Variants in MAP3K2 observed in about 807,000 individuals in gnomAD.
The protein encoded by MAP3K2 is MAP/ERK kinase kinase 2.
In MAP3K2, 24 loss-of-function variants were observed where a neutral mutation model predicts 80.3. That is an observed-to-expected ratio of 0.30 (90% confidence interval 0.22 to 0.42). The LOEUF is 0.42. MAP3K2 is among the 10% of genes least tolerant of loss of function. The probability of loss-of-function intolerance (pLI) is 1.00; values close to 1 mark genes in which losing one functional copy is unlikely to be tolerated. For synonymous variants in MAP3K2, 244 were observed against 253.7 expected (o/e 0.96, Z 0.36); for missense variants, 608 against 750.1 (o/e 0.81, Z 2.21).
chr2:127,327,844 T>C (rs1344397401), intron 7 of MAP3K2, among the ~76,000 whole-genome samples: 1 of 152,248 alleles, frequency 6.6e-6, no homozygotes, highest in Non-Finnish European at 1.5e-5. Context: ...ATTTCCAATT[T>C]CTTCTTATGC....
At chr2:127,357,384 G>A (rs1686814764) in intron 1 of MAP3K2, among the ~76,000 whole-genome samples, 1 of 152,176 alleles carries the variant, frequency 6.6e-6, no homozygotes, top group Non-Finnish European at 1.5e-5. Flanking sequence ...AACTACTAAG[G>A]AAGGTGAAGC....
In MAP3K2 at chr2:127,387,926, C is replaced by T. The variant is rs1485910823; in HGVS notation, c.-540G>A. On this transcript the variant is annotated 5_prime_UTR_variant, in exon 1 of 17. Transcript: ENST00000682094. ...GCGGCCGCGGCACCCTCGTCAGGCG[C>T]CGCCGCTGAGGGCAGGCAGCCCGGC... 1 of 984,706 alleles carries T rather than the reference C, an allele frequency of 1.0e-6. No homozygotes were observed. The highest frequency in any genetic ancestry group is 1.7e-5 in the African/African-American group (1 of 57,162). The allele number at this position is 984,706 out of a possible 1,614,324, so 61.0% of individuals were successfully genotyped here.
intron 5 of MAP3K2, among the ~76,000 whole-genome samples, chr2:127,335,173 C>T (rs1361077238): frequency 1.3e-5 from 2 of 152,162 alleles, no homozygotes; most frequent in African/African-American, 4.8e-5. Flanking sequence ...TGAGGTGCTG[C>T]AACTTATAAC....
intron 1 of MAP3K2, among the ~76,000 whole-genome samples, chr2:127,376,341 A>T (rs1042090375): frequency 6.6e-6 from 1 of 152,122 alleles, no homozygotes; most frequent in African/African-American, 2.4e-5. Flanking sequence ...GAGCGCAACC[A>T]TGTGAACTGC....
chr2:127,314,958 G>GA, intron 14 of MAP3K2, 75 bp from the exon 15 acceptor site: 1 of 1,050,918 alleles, frequency 9.5e-7, no homozygotes, highest in Non-Finnish European at 1.4e-6. Flanking sequence ...ATCTTTATCA[G>GA]TAAAGAGGGC....
intron 1 of MAP3K2, among the ~76,000 whole-genome samples, chr2:127,379,118 G>A (rs943435783): frequency 1.3e-4 from 19 of 151,268 alleles, no homozygotes; most frequent in African/African-American, 4.6e-4. Flanking sequence ...CATGGTGCCT[G>A]GCCTCTATGT....
At chr2:127,337,893 C>T in intron 3 of MAP3K2, 115 bp from the exon 4 acceptor site, 1 of 587,410 alleles carries the variant, frequency 1.7e-6, no homozygotes. Context: ...TTAAAATAGA[C>T]CAGACGAGGA....
At chr2:127,346,327 A>C (rs576323191) in intron 1 of MAP3K2, among the ~76,000 whole-genome samples, 3 of 151,506 alleles carry the variant, frequency 2.0e-5, no homozygotes, top group Admixed American at 2.0e-4. Flanking sequence ...AAAAAGACTA[A>C]ATTAGAAATG....
At chr2:127,372,415 G>A (rs1053496059) in intron 1 of MAP3K2, among the ~76,000 whole-genome samples, 2 of 152,124 alleles carry the variant, frequency 1.3e-5, no homozygotes, top group African/African-American at 4.8e-5. Context: ...TTGGAAATAA[G>A]AATTTTACTG....
Position 127,302,358 on chromosome 2 carries a change from TG to T in MAP3K2, c.*5220del, listed in dbSNP as rs1558969969. 1 of 152,072 alleles carries T rather than the reference TG, an allele frequency of 6.6e-6. No individual in the cohort carries two copies. The highest frequency in any genetic ancestry group is 6.6e-5 in the Admixed American group (1 of 15,242). The allele number at this position is 152,072 out of a possible 1,614,324, so 9.4% of individuals were successfully genotyped here. On this transcript the variant is annotated 3_prime_UTR_variant, in exon 17 of 17. Transcript: ENST00000682094. ...TCATCAGTAGGTCATACATTTGAGT[TG>T]TTCTTCCAAAACCAGAAACTGACCT...
chr2:127,381,280 C>A (rs534584925), intron 1 of MAP3K2, among the ~76,000 whole-genome samples: 2 of 152,262 alleles, frequency 1.3e-5, no homozygotes, highest in Admixed American at 1.3e-4. Context: ...TTTAGTAGAT[C>A]CACCCTTCCT....
intron 13 of MAP3K2, 83 bp downstream of exon 13, chr2:127,318,086 A>T: frequency 5.0e-6 from 5 of 998,800 alleles, no homozygotes; most frequent in Non-Finnish European, 6.9e-6. Context: ...TCTTATTTAG[A>T]ATGGAAGGGG....
chr2:127,340,287 T>C (rs1686451346), intron 2 of MAP3K2, among the ~76,000 whole-genome samples: 3 of 152,106 alleles, frequency 2.0e-5, no homozygotes, highest in African/African-American at 7.2e-5. Flanking sequence ...TACAATATAA[T>C]CACAATAGAT....
At chr2:127,376,216 G>C (rs1687148662) in intron 1 of MAP3K2, among the ~76,000 whole-genome samples, 1 of 148,522 alleles carries the variant, frequency 6.7e-6, no homozygotes, top group African/African-American at 2.5e-5. Flanking sequence ...GACAGTTTAG[G>C]TTGATAAAAA....
chr2:127,331,987 G>A (rs1686265951), intron 5 of MAP3K2, among the ~76,000 whole-genome samples: 1 of 152,204 alleles, frequency 6.6e-6, no homozygotes, highest in African/African-American at 2.4e-5. Flanking sequence ...CAATCTGCTT[G>A]CATTTACTTA....
At chr2:127,350,707 CA>C (rs771862317) in intron 1 of MAP3K2, among the ~76,000 whole-genome samples, 6 of 151,666 alleles carry the variant, frequency 4.0e-5, no homozygotes, top group Admixed American at 2.6e-4. Context: ...TACTTAGTTT[CA>C]ACACACCATC....
At chr2:127,381,127 G>A (rs1402834593) in intron 1 of MAP3K2, among the ~76,000 whole-genome samples, 1 of 152,104 alleles carries the variant, frequency 6.6e-6, no homozygotes, top group Non-Finnish European at 1.5e-5. Context: ...TTAACCTCCT[G>A]AGTAGTTGAG....
chr2:127,380,076 T>G (rs754879756), intron 1 of MAP3K2, among the ~76,000 whole-genome samples: 2 of 152,146 alleles, frequency 1.3e-5, no homozygotes, highest in African/African-American at 4.8e-5. Flanking sequence ...AAACCAAAAC[T>G]TCTGTAAATC....
chr2:127,309,090 A>G (rs1225856027), intron 15 of MAP3K2, among the ~76,000 whole-genome samples: 1 of 152,222 alleles, frequency 6.6e-6, no homozygotes, highest in Non-Finnish European at 1.5e-5. Context: ...GTGAAGGACC[A>G]AGAAAGCCCC....
Sources: allele counts gnomAD v4.1 joint callset (sites outside exome capture counted in the v4.1 genomes callset), GRCh38; gene constraint gnomAD v4.1.1; transcripts MANE v1.5; gene names NCBI Gene and HGNC (gene_info 2026-07-23, HGNC 2026-07-21).